MTUS2: variants seen among roughly 807,000 people sequenced by gnomAD.
The protein encoded by MTUS2 is microtubule associated scaffold protein 2, also known as microtubule-associated tumor suppressor candidate 2.
A neutral mutation model predicts 114.1 loss-of-function variants in MTUS2; 40 were observed. That is an observed-to-expected ratio of 0.35 (90% CI 0.27 to 0.46). The LOEUF (loss-of-function observed/expected upper bound fraction) is 0.46, where lower values mean the gene tolerates loss of function less well. Among genes scored for constraint, MTUS2 ranks in the 20% least tolerant of loss-of-function variants. The pLI is 1.00. For synonymous variants in MTUS2, 688 were observed against 672.0 expected (o/e 1.02, Z -0.37); for missense variants, 1,679 against 1,705.4 (o/e 0.98, Z 0.27).
At chr13:29,274,461 T>C (rs917126107) in intron 5 of MTUS2, among the ~76,000 whole-genome samples, 4 of 152,140 alleles carry the variant, frequency 2.6e-5, no homozygotes, top group Non-Finnish European at 5.9e-5. Flanking sequence ...CCAAAGCAGC[T>C]GCACCATTTT....
At chr13:28,965,578 T>A (rs1218127414) in intron 2 of MTUS2, among the ~76,000 whole-genome samples, 3 of 152,194 alleles carry the variant, frequency 2.0e-5, no homozygotes, top group Non-Finnish European at 1.5e-5. Flanking sequence ...ACGCTATATA[T>A]GTATATATGC....
At chr13:28,946,534 T>G (rs975313708) in intron 2 of MTUS2, among the ~76,000 whole-genome samples, 2 of 152,170 alleles carry the variant, frequency 1.3e-5, no homozygotes, top group Admixed American at 6.5e-5. Context: ...ACAACAACTA[T>G]TATGTAACAT....
chr13:29,125,156 T>G (rs977099941), intron 5 of MTUS2, among the ~76,000 whole-genome samples: 1 of 152,216 alleles, frequency 6.6e-6, no homozygotes, highest in Non-Finnish European at 1.5e-5. Context: ...TAGTTGTTAA[T>G]AAAGAAATAG....
At chr13:29,501,239 C>A in intron 15 of MTUS2, 45 bp downstream of exon 15, 1 of 1,457,708 alleles carries the variant, frequency 6.9e-7, no homozygotes. Flanking sequence ...TCCTCTTGAG[C>A]TTCTTTTTGT....
chr13:29,185,917 AAT>A (rs1894204519), intron 5 of MTUS2, among the ~76,000 whole-genome samples: 1 of 152,206 alleles, frequency 6.6e-6, no homozygotes, highest in Non-Finnish European at 1.5e-5. Flanking sequence ...GACATTATAG[AAT>A]GTTAAGGCTA....
chr13:28,902,158 TGATA>T (rs1879684148), intron 2 of MTUS2, among the ~76,000 whole-genome samples: 3 of 152,290 alleles, frequency 2.0e-5, no homozygotes, highest in African/African-American at 7.2e-5. Flanking sequence ...GAGACATGAT[TGATA>T]TTTACATGTT....
At chr13:28,855,328 G>A (rs991818104) in intron 2 of MTUS2, among the ~76,000 whole-genome samples, 7 of 152,012 alleles carry the variant, frequency 4.6e-5, no homozygotes, top group African/African-American at 9.7e-5. Context: ...ATAAGTAAAC[G>A]TGTGCAATGG....
chr13:29,122,404 C>T lies in MTUS2; in HGVS notation c.2644+21434C>T, dbSNP rs888304981. Among the ~76,000 whole-genome samples the T allele has an allele frequency of 3.9e-4, 59 of 152,248 alleles. 1 individual carries two copies. Among genetic ancestry groups the T allele is most frequent in the African/African-American group, 1.3e-3 (52 of 41,548 alleles). On this transcript the variant is annotated intron_variant, in intron 5 of 15. Transcript: ENST00000612955. ...TTATAGCGGAAGGGGAAGCAAGCAC[C>T]GCCTCTTTCACATGGAGGCAGCAAG...
At chr13:28,917,435 A>G (rs1331302332) in intron 2 of MTUS2, among the ~76,000 whole-genome samples, 1 of 151,710 alleles carries the variant, frequency 6.6e-6, no homozygotes, top group Non-Finnish European at 1.5e-5. Flanking sequence ...TTTCTGTCTC[A>G]TTATTTGTTA....
At chr13:29,388,684 A>T (rs564161708) in intron 8 of MTUS2, among the ~76,000 whole-genome samples, 2 of 148,280 alleles carry the variant, frequency 1.3e-5, no homozygotes, top group East Asian at 2.6e-4. Flanking sequence ...ATTAAAATTT[A>T]AAAAAATTTA....
chr13:28,869,316 C>T (rs1256226642), intron 2 of MTUS2, among the ~76,000 whole-genome samples: 1 of 152,176 alleles, frequency 6.6e-6, no homozygotes, highest in African/African-American at 2.4e-5. Context: ...TTCACATTGA[C>T]CTCGATCATA....
chr13:28,998,789 C>A (rs1040969723), intron 2 of MTUS2, among the ~76,000 whole-genome samples: 1 of 152,112 alleles, frequency 6.6e-6, no homozygotes, highest in Non-Finnish European at 1.5e-5. Context: ...GTTATCTATT[C>A]GTCTAATTTT....
chr13:28,821,589 A>C (rs935455061), intron 1 of MTUS2, among the ~76,000 whole-genome samples: 1 of 152,246 alleles, frequency 6.6e-6, no homozygotes, highest in Non-Finnish European at 1.5e-5. Context: ...AAAACATCAG[A>C]TATACTGATG....
rs1340931478 is a variant in MTUS2 at position 28,972,507 on chromosome 13, T to C, written c.-242-51950T>C. Reference sequence around the variant, plus strand: ...TGCATTTGGACCTAGGACCTTTTAATGTTCAGAAACCCAAAACAATCTTAG... The same window carrying C: ...TGCATTTGGACCTAGGACCTTTTAACGTTCAGAAACCCAAAACAATCTTAG... On this transcript the variant is annotated intron_variant, in intron 2 of 15. Transcript: ENST00000612955. 2.0e-5 allele frequency among the ~76,000 whole-genome samples: 3 copies of C among 152,206 alleles called. No homozygotes were observed. In the East Asian group the frequency reaches 5.8e-4, roughly 29 times the overall value.
At chr13:28,829,851 C>G (rs1227212368) in intron 1 of MTUS2, among the ~76,000 whole-genome samples, 1 of 152,166 alleles carries the variant, frequency 6.6e-6, no homozygotes, top group Non-Finnish European at 1.5e-5. Flanking sequence ...TTGATGTAGT[C>G]TTTGGAATCT....
At chr13:29,183,477 A>G (rs887507935) in intron 5 of MTUS2, among the ~76,000 whole-genome samples, 1 of 152,206 alleles carries the variant, frequency 6.6e-6, no homozygotes, top group African/African-American at 2.4e-5. Flanking sequence ...TCAAGTAACG[A>G]GTCTGGAGTT....
chr13:29,306,444 G>C (rs925719745), intron 6 of MTUS2, among the ~76,000 whole-genome samples: 1 of 151,984 alleles, frequency 6.6e-6, no homozygotes, highest in African/African-American at 2.4e-5. Flanking sequence ...GCAAAGTCTC[G>C]GGATATAAAA....
At chr13:29,348,448 T>C (rs1868930881) in intron 7 of MTUS2, among the ~76,000 whole-genome samples, 1 of 152,164 alleles carries the variant, frequency 6.6e-6, no homozygotes, top group Non-Finnish European at 1.5e-5. Flanking sequence ...TGAATCCTTT[T>C]AAATTTATTG....
At chr13:29,467,215 T>C (rs1879952491) in intron 9 of MTUS2, among the ~76,000 whole-genome samples, 1 of 152,212 alleles carries the variant, frequency 6.6e-6, no homozygotes, top group Non-Finnish European at 1.5e-5. Context: ...GGTCGCAAAC[T>C]TAAAACTTTT....
Sources: allele counts gnomAD v4.1 joint callset (sites outside exome capture counted in the v4.1 genomes callset), GRCh38; gene constraint gnomAD v4.1.1; transcripts MANE v1.5; gene names NCBI Gene and HGNC (gene_info 2026-07-23, HGNC 2026-07-21).